Variants in MAGI3 observed in about 807,000 individuals in gnomAD.
MAGI3 encodes the protein membrane associated guanylate kinase, WW and PDZ domain containing 3, also known as membrane-associated guanylate kinase, WW and PDZ domain-containing protein 3.
Under a neutral mutation model 121.8 loss-of-function variants are expected in MAGI3, and 43 were observed. The observed-to-expected ratio is 0.35, with a 90% CI of 0.28 to 0.46. The LOEUF is 0.46. MAGI3 is among the 20% of genes least tolerant of loss of function. The pLI, the probability that MAGI3 is intolerant of heterozygous loss-of-function variation, is 1.00. For missense variants in MAGI3, 1,547 were observed against 1,797.3 expected (o/e 0.86, Z 2.52); for synonymous variants, 553 against 639.3 (o/e 0.86, Z 2.04).
Position 113,637,297 on chromosome 1 carries a change from G to T in MAGI3, c.1361-4614G>T, listed in dbSNP as rs7513750. 1.8e-4 allele frequency among the ~76,000 whole-genome samples: 28 copies of T among 152,266 alleles called. No individual in the cohort carries two copies. In the South Asian group the frequency reaches 5.6e-3, roughly 30 times the overall value. On this transcript the variant is annotated intron_variant, in intron 9 of 20. Coordinates refer to ENST00000307546, the MANE Select transcript of MAGI3 (RefSeq NM_001142782.2). ...ATGATGTTCGCTGGTTATTTTGCTCGTTAGTTGATGCAGTTTCTTCCTAGC... is the reference window on the plus strand; with the variant it reads ...ATGATGTTCGCTGGTTATTTTGCTCTTTAGTTGATGCAGTTTCTTCCTAGC...
At chr1:113,440,675 C>T (rs1372343836) in intron 1 of MAGI3, among the ~76,000 whole-genome samples, 1 of 152,192 alleles carries the variant, frequency 6.6e-6, no homozygotes, top group Non-Finnish European at 1.5e-5. Flanking sequence ...GGGATGAGCA[C>T]ATTGCTCCCT....
At chr1:113,590,938 T>C (rs912372507) in intron 5 of MAGI3, among the ~76,000 whole-genome samples, 2 of 152,090 alleles carry the variant, frequency 1.3e-5, no homozygotes, top group Non-Finnish European at 2.9e-5. Context: ...ATGTAAAGAA[T>C]AAAGGGTATT....
intron 1 of MAGI3, among the ~76,000 whole-genome samples, chr1:113,410,166 C>T (rs1418318493): frequency 1.3e-5 from 2 of 151,984 alleles, no homozygotes; most frequent in African/African-American, 2.4e-5. Flanking sequence ...AAATTCATTA[C>T]GGAATACCCT....
chr1:113,542,845 T>C (rs372176623), intron 1 of MAGI3, among the ~76,000 whole-genome samples: 63 of 152,176 alleles, frequency 4.1e-4, no homozygotes, highest in South Asian at 2.5e-3. Flanking sequence ...CTTACAATGT[T>C]TACAGTGTAG....
chr1:113,679,125 C>T (rs577120827), intron 19 of MAGI3, among the ~76,000 whole-genome samples: 11 of 152,074 alleles, frequency 7.2e-5, no homozygotes, highest in East Asian at 3.9e-4. Flanking sequence ...AAGTTCAGTG[C>T]GGCACATGTA....
At chr1:113,405,063 A>T (rs1651600686) in intron 1 of MAGI3, among the ~76,000 whole-genome samples, 1 of 152,158 alleles carries the variant, frequency 6.6e-6, no homozygotes, top group Non-Finnish European at 1.5e-5. Flanking sequence ...AGATTTTCTG[A>T]TGTAGATAAA....
chr1:113,662,164 C>G (rs548574478), intron 16 of MAGI3, among the ~76,000 whole-genome samples: 1 of 152,300 alleles, frequency 6.6e-6, no homozygotes, highest in East Asian at 1.9e-4. Flanking sequence ...AGGTAAAAGA[C>G]AGTTACCTAG....
intron 2 of MAGI3, among the ~76,000 whole-genome samples, chr1:113,561,959 A>G (rs1287964373): frequency 6.6e-6 from 1 of 152,228 alleles, no homozygotes; most frequent in Non-Finnish European, 1.5e-5. Context: ...TAGCATTCCT[A>G]TATATCAACA....
At position 113,685,741 on chromosome 1, in the gene MAGI3, A is replaced by G. The variant is rs1648512659; in HGVS notation, c.*1727A>G. 1 of 152,338 alleles carries G rather than the reference A, an allele frequency of 6.6e-6. No individual in the cohort carries two copies. The highest frequency in any genetic ancestry group is 1.5e-5 in the Non-Finnish European group (1 of 68,030). 9.4% of individuals were successfully genotyped at this position (152,338 alleles called of 1,614,324 possible). A position where few individuals can be genotyped will look rare whatever the true frequency, so the allele number is the denominator to read the frequency against. ...TTGTCCTATGTGGTTCTTCCTAAGT[A>G]AACTCTGTACTGATTATATACTGAC... On this transcript the variant is annotated 3_prime_UTR_variant, in exon 21 of 21. Coordinates refer to ENST00000307546, the MANE Select transcript of MAGI3 (RefSeq NM_001142782.2).
At chr1:113,591,744 G>A (rs1648703044) in intron 5 of MAGI3, among the ~76,000 whole-genome samples, 1 of 152,056 alleles carries the variant, frequency 6.6e-6, no homozygotes, top group East Asian at 1.9e-4. Context: ...TTAGACTTTT[G>A]ACTTTCATGC....
intron 6 of MAGI3, among the ~76,000 whole-genome samples, chr1:113,610,358 A>T (rs1650044533): frequency 6.6e-6 from 1 of 152,154 alleles, no homozygotes; most frequent in South Asian, 2.1e-4. Context: ...GCCGCTTAAA[A>T]TGTTAGTGCT....
At chr1:113,486,556 C>T (rs770324450) in intron 1 of MAGI3, among the ~76,000 whole-genome samples, 1 of 151,096 alleles carries the variant, frequency 6.6e-6, no homozygotes, top group African/African-American at 2.4e-5. Context: ...TAAAAACTAT[C>T]TTTAAATGGT....
intron 2 of MAGI3, among the ~76,000 whole-genome samples, chr1:113,570,145 G>A (rs903415386): frequency 6.6e-6 from 1 of 152,068 alleles, no homozygotes; most frequent in Admixed American, 6.6e-5. Context: ...TGTGGTGTTT[G>A]GTTTTCTGTT....
intron 6 of MAGI3, among the ~76,000 whole-genome samples, chr1:113,611,383 G>A (rs776405219): frequency 5.3e-5 from 8 of 151,806 alleles, no homozygotes; most frequent in South Asian, 2.1e-4. Flanking sequence ...TCACCGTGCC[G>A]GCCCATTTTC....
chr1:113,436,622 G>A (rs1653577781), intron 1 of MAGI3, among the ~76,000 whole-genome samples: 1 of 152,072 alleles, frequency 6.6e-6, no homozygotes, highest in African/African-American at 2.4e-5. Context: ...AATGTTAATA[G>A]TTCATGGAGG....
At chr1:113,675,482 T>C (rs1412847142) in intron 19 of MAGI3, among the ~76,000 whole-genome samples, 1 of 152,020 alleles carries the variant, frequency 6.6e-6, no homozygotes, top group East Asian at 1.9e-4. Context: ...TGGAGTCATG[T>C]TGAGGTGAAG....
intron 1 of MAGI3, among the ~76,000 whole-genome samples, chr1:113,516,282 A>C (rs899302072): frequency 6.6e-6 from 1 of 151,544 alleles, no homozygotes; most frequent in African/African-American, 2.4e-5. Context: ...TCTCCAACAC[A>C]AGGAACCAGG....
intron 2 of MAGI3, among the ~76,000 whole-genome samples, chr1:113,572,917 C>T (rs1414953072): frequency 6.6e-6 from 1 of 150,882 alleles, no homozygotes; most frequent in Admixed American, 6.6e-5. Flanking sequence ...TTGGTTATTT[C>T]TTCTGTTCTG....
chr1:113,591,610 T>C (rs1648695222), intron 5 of MAGI3, among the ~76,000 whole-genome samples: 2 of 152,116 alleles, frequency 1.3e-5, no homozygotes, highest in African/African-American at 4.8e-5. Context: ...TTACTATAGA[T>C]TGCACATTAT....
Sources: gnomAD v4.1 joint callset for allele counts (sites outside exome capture counted in the v4.1 genomes callset) on GRCh38, gnomAD v4.1.1 for gene constraint, MANE v1.5 for transcripts, NCBI Gene and HGNC (gene_info 2026-07-23, HGNC 2026-07-21) for gene names.